The following GALNT13 variants were observed in gnomAD, a reference collection of about 807,000 sequenced individuals.
GALNT13 encodes UDP-GalNAc:polypeptide N-acetylgalactosaminyltransferase 13.
Under a neutral mutation model 64.2 loss-of-function variants are expected in GALNT13, and 28 were observed. The observed-to-expected ratio is 0.44, with a 90% CI of 0.32 to 0.60. GALNT13 has a LOEUF of 0.60. GALNT13 is among the 20% of genes least tolerant of loss of function. The pLI is 0.05. For synonymous variants in GALNT13, 214 were observed against 224.6 expected (o/e 0.95, Z 0.42); for missense variants, 577 against 669.8 (o/e 0.86, Z 1.53).
At chr2:153,469,946 T>C in the GALNT13 span, among the ~76,000 whole-genome samples, 1 of 151,990 alleles carries the variant, frequency 6.6e-6, no homozygotes, top group Non-Finnish European at 1.5e-5. Context: ...GCCCCAGAAA[T>C]TCAGAGCTAT....
chr2:153,856,068 G>T, the GALNT13 span, among the ~76,000 whole-genome samples: 1 of 152,140 alleles, frequency 6.6e-6, no homozygotes, highest in African/African-American at 2.4e-5. Context: ...GCCTTGTGAG[G>T]CATGGAGGAT....
intron 3 of GALNT13, among the ~76,000 whole-genome samples, chr2:154,036,342 T>C (rs778907253): frequency 5.9e-5 from 9 of 152,090 alleles, no homozygotes; most frequent in Non-Finnish European, 1.3e-4. Context: ...AAATTCTGCA[T>C]TGCAGATACT....
At chr2:153,631,039 C>G in the GALNT13 span, among the ~76,000 whole-genome samples, 1 of 151,392 alleles carries the variant, frequency 6.6e-6, no homozygotes, top group Non-Finnish European at 1.5e-5. Flanking sequence ...CAATTCCCAT[C>G]TATGAGTGAG....
chr2:153,651,194 C>T, the GALNT13 span, among the ~76,000 whole-genome samples: 1 of 152,004 alleles, frequency 6.6e-6, no homozygotes, highest in East Asian at 1.9e-4. Flanking sequence ...AGAGGTTGTG[C>T]AAGAAGCAGA....
chr2:153,650,684 C>T, the GALNT13 span, among the ~76,000 whole-genome samples: 1 of 152,130 alleles, frequency 6.6e-6, no homozygotes, highest in Non-Finnish European at 1.5e-5. Flanking sequence ...TCAGCATTTG[C>T]TTGTCTGCAA....
At chr2:153,109,441 C>A in the GALNT13 span, among the ~76,000 whole-genome samples, 1 of 152,122 alleles carries the variant, frequency 6.6e-6, no homozygotes, top group African/African-American at 2.4e-5. Context: ...ACAGAACAGA[C>A]CCTTTCAGAG....
the GALNT13 span, among the ~76,000 whole-genome samples, chr2:153,319,158 A>C: frequency 6.6e-6 from 1 of 152,214 alleles, no homozygotes; most frequent in Non-Finnish European, 1.5e-5. Context: ...TTCATCTGTA[A>C]ATTGCAAACA....
At chr2:154,207,894 C>T (rs979423408) in intron 4 of GALNT13, among the ~76,000 whole-genome samples, 2 of 152,058 alleles carry the variant, frequency 1.3e-5, no homozygotes, top group African/African-American at 2.4e-5. Context: ...TAGATGATGT[C>T]GCATAGGACA....
the GALNT13 span, among the ~76,000 whole-genome samples, chr2:153,451,327 A>G: frequency 2.0e-5 from 3 of 152,158 alleles, no homozygotes; most frequent in Non-Finnish European, 2.9e-5. Context: ...CATATGTAAC[A>G]TCATTTATTG....
the GALNT13 span, among the ~76,000 whole-genome samples, chr2:153,251,750 T>G: frequency 2.6e-5 from 4 of 151,870 alleles, no homozygotes; most frequent in African/African-American, 9.7e-5. Context: ...GATAGTTTAC[T>G]GAGAGTGATG....
intron 3 of GALNT13, among the ~76,000 whole-genome samples, chr2:154,101,365 T>A (rs1411794181): frequency 6.6e-6 from 1 of 152,066 alleles, no homozygotes; most frequent in Non-Finnish European, 1.5e-5. Context: ...TTCTATTCCT[T>A]CTTTATTCTA....
At chr2:153,971,546 A>C (rs12053322) in intron 3 of GALNT13, among the ~76,000 whole-genome samples, 10,793 of 152,216 alleles carry the variant, frequency 0.071, 454 homozygotes, top group Middle Eastern at 0.13. Context: ...TGTTCCAATA[A>C]TAATTTACCA....
At chr2:153,716,619 C>T in the GALNT13 span, among the ~76,000 whole-genome samples, 1 of 152,084 alleles carries the variant, frequency 6.6e-6, no homozygotes, top group East Asian at 1.9e-4. Flanking sequence ...TGTATTGTTG[C>T]AGTCATATTG....
At chr2:153,928,926 T>C (rs1430704644) in intron 2 of GALNT13, among the ~76,000 whole-genome samples, 1 of 152,204 alleles carries the variant, frequency 6.6e-6, no homozygotes, top group Non-Finnish European at 1.5e-5. Context: ...ACATTCTCTG[T>C]AAATTTATCT....
At chr2:154,227,813 G>C (rs1380673236) in intron 4 of GALNT13, among the ~76,000 whole-genome samples, 6 of 151,940 alleles carry the variant, frequency 3.9e-5, no homozygotes, top group Admixed American at 3.3e-4. Flanking sequence ...GGCGCTTGTG[G>C]CTGTAGCGTT....
At chr2:153,988,641 C>G (rs186925096) in intron 3 of GALNT13, among the ~76,000 whole-genome samples, 2 of 151,816 alleles carry the variant, frequency 1.3e-5, no homozygotes, top group African/African-American at 4.8e-5. Flanking sequence ...AAAGCATTGA[C>G]GGTGATTATA....
chr2:154,351,271 C>CT (rs1241582145), intron 9 of GALNT13, among the ~76,000 whole-genome samples: 2 of 152,054 alleles, frequency 1.3e-5, no homozygotes, highest in Non-Finnish European at 2.9e-5. Flanking sequence ...TGAAGGATCT[C>CT]TGAGTAAAGC....
the GALNT13 span, among the ~76,000 whole-genome samples, chr2:153,510,755 T>C: frequency 1.0e-5 from 1 of 95,796 alleles, no homozygotes. Flanking sequence ...GAAGCTGTGG[T>C]CTAAAATAGG....
chr2:153,145,476 T>A, the GALNT13 span, among the ~76,000 whole-genome samples: 2 of 151,992 alleles, frequency 1.3e-5, no homozygotes, highest in African/African-American at 4.8e-5. Context: ...GCTGATTATA[T>A]AATAATAATC....
Sources: allele counts gnomAD v4.1 joint callset (sites outside exome capture counted in the v4.1 genomes callset), GRCh38; gene constraint gnomAD v4.1.1; transcripts MANE v1.5; gene names NCBI Gene and HGNC (gene_info 2026-07-23, HGNC 2026-07-21).